Variants in POU2AF2 observed in about 807,000 individuals in gnomAD.
The protein encoded by POU2AF2 is POU class 2 homeobox associating factor 2.
At chr11:111,275,866 T>C in the POU2AF2 span, among the ~76,000 whole-genome samples, 8 of 152,302 alleles carry the variant, frequency 5.3e-5, no homozygotes, top group East Asian at 1.5e-3. Context: ...AAAAATTCAA[T>C]GTGTGAGTTA....
the POU2AF2 span, among the ~76,000 whole-genome samples, chr11:111,260,121 G>T: frequency 6.6e-6 from 1 of 152,136 alleles, no homozygotes; most frequent in Non-Finnish European, 1.5e-5. Context: ...TCATGTTACG[G>T]GAGACACTGT....
the POU2AF2 span, among the ~76,000 whole-genome samples, chr11:111,280,057 A>AATATATATATATATATAT: frequency 2.7e-3 from 206 of 76,430 alleles, 1 homozygote; most frequent in East Asian, 3.7e-3. Flanking sequence ...AAAAAAAAAA[A>AATATATATATATATATAT]ATATATATAT....
At chr11:111,269,619 G>T in the POU2AF2 span, among the ~76,000 whole-genome samples, 1 of 152,108 alleles carries the variant, frequency 6.6e-6, no homozygotes, top group Non-Finnish European at 1.5e-5. Flanking sequence ...GCCGTGGCAA[G>T]TCCATCTGGC....
chr11:111,268,479 TTTATTTTATTTTA>T, the POU2AF2 span, among the ~76,000 whole-genome samples: 72 of 25,376 alleles, frequency 2.8e-3, 2 homozygotes, highest in African/African-American at 8.8e-3. Context: ...TTTTTCTTTT[TTTATTTTATTTTA>T]TTTTATTTTA....
the POU2AF2 span, among the ~76,000 whole-genome samples, chr11:111,284,800 T>A: frequency 6.6e-6 from 1 of 152,174 alleles, no homozygotes; most frequent in East Asian, 1.9e-4. Flanking sequence ...ATAGGGCTCC[T>A]CTTTCTTTCC....
chr11:111,261,620 T>C, the POU2AF2 span, among the ~76,000 whole-genome samples: 6 of 152,168 alleles, frequency 3.9e-5, no homozygotes, highest in Non-Finnish European at 8.8e-5. Context: ...CAGCTTGGAA[T>C]TGAAACTGTT....
chr11:111,248,532 T>C, the POU2AF2 span, among the ~76,000 whole-genome samples: 1 of 152,228 alleles, frequency 6.6e-6, no homozygotes, highest in Non-Finnish European at 1.5e-5. Flanking sequence ...GGCTACATTC[T>C]AGTGTCAAGA....
the POU2AF2 span, among the ~76,000 whole-genome samples, chr11:111,282,185 G>A: frequency 5.3e-5 from 8 of 152,252 alleles, no homozygotes; most frequent in Middle Eastern, 3.4e-3. Context: ...TCCATGCTAA[G>A]AGAGCAGAGG....
chr11:111,274,985 A>G, the POU2AF2 span, among the ~76,000 whole-genome samples: 1 of 152,222 alleles, frequency 6.6e-6, no homozygotes, highest in Non-Finnish European at 1.5e-5. Context: ...GATGGTCGTG[A>G]GAATTAAATG....
At chr11:111,267,466 C>G in the POU2AF2 span, among the ~76,000 whole-genome samples, 1 of 152,170 alleles carries the variant, frequency 6.6e-6, no homozygotes. Context: ...ACCCATTTCT[C>G]TCTGAGCTTT....
the POU2AF2 span, among the ~76,000 whole-genome samples, chr11:111,249,629 C>T: frequency 2.0e-5 from 3 of 152,144 alleles, no homozygotes; most frequent in Non-Finnish European, 2.9e-5. Flanking sequence ...TTCCCAAACT[C>T]GACTGTCTTT....
the POU2AF2 span, chr11:111,245,858 A>T: frequency 5.0e-6 from 2 of 399,008 alleles, no homozygotes; most frequent in East Asian, 7.1e-5. Flanking sequence ...TCCAGAATGG[A>T]AAGTGGTAAG....
the POU2AF2 span, chr11:111,285,928 G>A: frequency 5.9e-5 from 96 of 1,613,874 alleles, no homozygotes; most frequent in African/African-American, 8.4e-4. Flanking sequence ...ATGACCTACC[G>A]CCCAAGGTGG....
At chr11:111,260,957 C>T in the POU2AF2 span, among the ~76,000 whole-genome samples, 1 of 152,122 alleles carries the variant, frequency 6.6e-6, no homozygotes, top group African/African-American at 2.4e-5. Flanking sequence ...CCATCTTTAC[C>T]GCAGCTTCCC....
chr11:111,255,901 G>T, the POU2AF2 span: 1 of 398,106 alleles, frequency 2.5e-6, no homozygotes, highest in South Asian at 1.3e-4. Context: ...ACATCACAAT[G>T]ATCAGCCCCC....
At chr11:111,269,315 A>G in the POU2AF2 span, among the ~76,000 whole-genome samples, 1 of 152,170 alleles carries the variant, frequency 6.6e-6, no homozygotes, top group Admixed American at 6.5e-5. Context: ...ATGCTTTACT[A>G]AGCCTTTCTA....
chr11:111,281,365 A>G, the POU2AF2 span: 4 of 1,559,490 alleles, frequency 2.6e-6, no homozygotes, highest in Non-Finnish European at 3.5e-6. Context: ...ACTTACAACT[A>G]AAGAAAACAC....
chr11:111,285,541 G>A, the POU2AF2 span: 1 of 1,155,074 alleles, frequency 8.7e-7, no homozygotes, highest in Non-Finnish European at 1.2e-6. Context: ...CAGGCTTCAG[G>A]CAGCAGAGAG....
At chr11:111,269,942 T>G in the POU2AF2 span, among the ~76,000 whole-genome samples, 1 of 152,340 alleles carries the variant, frequency 6.6e-6, no homozygotes, top group Admixed American at 6.5e-5. Flanking sequence ...TGAAGACAGT[T>G]GACATCACAG....
Sources: allele counts gnomAD v4.1 joint callset (sites outside exome capture counted in the v4.1 genomes callset), GRCh38; gene constraint gnomAD v4.1.1; transcripts MANE v1.5; gene names NCBI Gene and HGNC (gene_info 2026-07-23, HGNC 2026-07-21).